The following ARMC9 variants were observed in gnomAD, a reference collection of about 807,000 sequenced individuals.
The protein encoded by ARMC9 is armadillo repeat containing 9.
A neutral mutation model predicts 107.0 loss-of-function variants in ARMC9; 94 were observed. The observed-to-expected ratio is 0.88, with a 90% CI of 0.74 to 1.04. The LOEUF (loss-of-function observed/expected upper bound fraction) is 1.04, where lower values mean the gene tolerates loss of function less well. ARMC9 is among the 50% of genes least tolerant of loss of function. The pLI, the probability that ARMC9 is intolerant of heterozygous loss-of-function variation, is 0.00. For missense variants in ARMC9, 942 were observed against 1,030.1 expected (o/e 0.91, Z 1.17); for synonymous variants, 380 against 396.9 (o/e 0.96, Z 0.51).
intron 12 of ARMC9, among the ~76,000 whole-genome samples, 183 bp downstream of exon 12, chr2:231,262,581 G>C (rs1406862440): frequency 6.6e-6 from 1 of 152,194 alleles, no homozygotes; most frequent in Non-Finnish European, 1.5e-5. Context: ...TTCTAAACAA[G>C]TTAGAACTGC....
chr2:231,214,427 G>C (rs981075418), intron 3 of ARMC9, among the ~76,000 whole-genome samples: 11 of 152,206 alleles, frequency 7.2e-5, no homozygotes, highest in African/African-American at 2.7e-4. Flanking sequence ...TTCCATGCCT[G>C]TGAGGTTTGT....
chr2:231,291,331 T>C (rs375205698), intron 17 of ARMC9, 22 bp from the exon 18 acceptor site: 17 of 1,595,204 alleles, frequency 1.1e-5, no homozygotes, highest in Non-Finnish European at 3.4e-6. Flanking sequence ...ATGTTAACTA[T>C]TACTTTCGCC....
At chr2:231,217,559 C>A (rs1302893237) in intron 5 of ARMC9, among the ~76,000 whole-genome samples, 3 of 140,342 alleles carry the variant, frequency 2.1e-5, no homozygotes, top group Non-Finnish European at 4.6e-5. Flanking sequence ...CAGAGTGAGA[C>A]CTTGTCTCAA....
At chr2:231,342,354 A>G (rs2044568260) in intron 20 of ARMC9, among the ~76,000 whole-genome samples, 2 of 152,230 alleles carry the variant, frequency 1.3e-5, no homozygotes, top group Non-Finnish European at 2.9e-5. Flanking sequence ...GTTTAAGGAG[A>G]TGAAATAACT....
At chr2:231,292,599 A>G (rs575569089) in intron 18 of ARMC9, among the ~76,000 whole-genome samples, 1 of 152,346 alleles carries the variant, frequency 6.6e-6, no homozygotes, top group African/African-American at 2.4e-5. Context: ...CAGAGGTGGT[A>G]GGGAAAGCTC....
chr2:231,327,251 T>C (rs887674002), intron 19 of ARMC9, among the ~76,000 whole-genome samples: 2 of 152,202 alleles, frequency 1.3e-5, no homozygotes, highest in Admixed American at 6.5e-5. Context: ...TATGCTCGTT[T>C]TTTAATTTTT....
intron 10 of ARMC9, among the ~76,000 whole-genome samples, chr2:231,257,947 A>C (rs1055320381): frequency 8.5e-5 from 13 of 152,104 alleles, no homozygotes; most frequent in African/African-American, 2.9e-4. Context: ...AGCTGAGGTG[A>C]TTCCTTTTGT....
At chr2:231,207,497 A>G (rs1044847377) in intron 2 of ARMC9, among the ~76,000 whole-genome samples, 4 of 146,644 alleles carry the variant, frequency 2.7e-5, no homozygotes, top group African/African-American at 7.6e-5. Context: ...TTTTTTTGAG[A>G]TGGAGTCTCA....
intron 3 of ARMC9, 142 bp from the exon 4 acceptor site, chr2:231,214,689 C>A: frequency 1.2e-6 from 1 of 861,458 alleles, no homozygotes; most frequent in Non-Finnish European, 1.8e-6. Flanking sequence ...GGCTCAGGAG[C>A]TTGAATCCTG....
intron 20 of ARMC9, among the ~76,000 whole-genome samples, chr2:231,337,691 A>C (rs1200100028): frequency 6.6e-6 from 1 of 152,004 alleles, no homozygotes; most frequent in Non-Finnish European, 1.5e-5. Context: ...GCTGGTCTCG[A>C]ACTCCTGACC....
intron 22 of ARMC9, among the ~76,000 whole-genome samples, chr2:231,359,220 G>A (rs2045469578): frequency 6.6e-6 from 1 of 152,010 alleles, no homozygotes; most frequent in Non-Finnish European, 1.5e-5. Context: ...CTGAGTAGCT[G>A]GGATTACAGG....
chr2:231,286,981 C>T (rs559138957), intron 17 of ARMC9, among the ~76,000 whole-genome samples: 9 of 152,296 alleles, frequency 5.9e-5, no homozygotes, highest in Admixed American at 1.3e-4. Flanking sequence ...AGGCCTCCTG[C>T]GACTAGGGCT....
intron 16 of ARMC9, among the ~76,000 whole-genome samples, chr2:231,280,858 A>G (rs1457217086): frequency 1.3e-5 from 2 of 152,230 alleles, no homozygotes; most frequent in Non-Finnish European, 2.9e-5. Flanking sequence ...TGCCCCAGAA[A>G]CATGAAAAGA....
At chr2:231,276,352 C>T (rs1485832626) in intron 14 of ARMC9, among the ~76,000 whole-genome samples, 1 of 151,556 alleles carries the variant, frequency 6.6e-6, no homozygotes, top group Non-Finnish European at 1.5e-5. Context: ...CTCACTGCAA[C>T]CTCTGCCTCC....
rs149163306 is a variant in ARMC9, at chr2:231,317,904, A to T, written c.1774-13889A>T. 6.9e-3 allele frequency among the ~76,000 whole-genome samples: 1,042 copies of T among 151,962 alleles called. 12 individuals are homozygous for T. The highest frequency in any genetic ancestry group is 0.024 in the African/African-American group (1,002 of 41,414). On this transcript the variant is annotated intron_variant, in intron 19 of 24. Transcript: ENST00000611582. ...TTCACTGATTTTCAGTATTTTTTTT[A>T]AAACTTCTGAGCACATTTTCCTTTA...
chr2:231,263,897 A>G (rs2038613839), intron 12 of ARMC9, among the ~76,000 whole-genome samples: 2 of 152,250 alleles, frequency 1.3e-5, no homozygotes, highest in African/African-American at 4.8e-5. Flanking sequence ...AGTAAAGTCA[A>G]TACTGATTAT....
chr2:231,238,637 G>A lies in ARMC9; in HGVS notation c.781-1306G>A, dbSNP rs188996340. Among the ~76,000 whole-genome samples the A allele has an allele frequency of 4.6e-5, 7 of 152,344 alleles. No homozygotes were observed. The East Asian group carries it at 1.3e-3, about 29-fold the overall frequency. ...CAAAGTGCTGGGATTACAGGCATGAGCCACTATGCCAGGCCTGAAAAATGA... is the reference window on the plus strand; with the variant it reads ...CAAAGTGCTGGGATTACAGGCATGAACCACTATGCCAGGCCTGAAAAATGA... On this transcript the variant is annotated intron_variant, in intron 8 of 24. Transcript: ENST00000611582.
At chr2:231,310,062 G>C (rs1039635016) in intron 19 of ARMC9, among the ~76,000 whole-genome samples, 4 of 152,170 alleles carry the variant, frequency 2.6e-5, no homozygotes, top group Admixed American at 6.5e-5. Context: ...GGAGTGACGA[G>C]GACTACATAA....
At chr2:231,209,670 G>A (rs1433472504) in intron 3 of ARMC9, among the ~76,000 whole-genome samples, 1 of 152,006 alleles carries the variant, frequency 6.6e-6, no homozygotes, top group Non-Finnish European at 1.5e-5. Flanking sequence ...CAAGTAGCTG[G>A]GATTACAGGC....
Sources: gnomAD v4.1 joint callset for allele counts (sites outside exome capture counted in the v4.1 genomes callset) on GRCh38, gnomAD v4.1.1 for gene constraint, MANE v1.5 for transcripts, NCBI Gene and HGNC (gene_info 2026-07-23, HGNC 2026-07-21) for gene names.